Variants in TASP1 observed in about 807,000 individuals in gnomAD.
The protein encoded by TASP1 is taspase 1, also known as threonine aspartase 1.
In TASP1, 16 loss-of-function variants were observed where a neutral mutation model predicts 56.6. That is an observed-to-expected ratio of 0.28 (90% CI 0.19 to 0.43). TASP1 has a LOEUF of 0.43. Among genes scored for constraint, TASP1 ranks in the 20% least tolerant of loss-of-function variants. TASP1 has a pLI of 1.00. For missense variants in TASP1, 393 were observed against 511.6 expected (o/e 0.77, Z 2.24); for synonymous variants, 179 against 184.2 (o/e 0.97, Z 0.23).
the TASP1 span, among the ~76,000 whole-genome samples, chr20:13,305,067 T>A: frequency 6.6e-6 from 1 of 152,142 alleles, no homozygotes; most frequent in South Asian, 2.1e-4. Flanking sequence ...CATAGTATTA[T>A]TTGAATAGCA....
At chr20:13,490,009 T>C (rs2043466381) in intron 10 of TASP1, among the ~76,000 whole-genome samples, 1 of 152,188 alleles carries the variant, frequency 6.6e-6, no homozygotes, top group South Asian at 2.1e-4. Context: ...CAGAAAACTT[T>C]ACACTGAAAG....
intron 12 of TASP1, among the ~76,000 whole-genome samples, chr20:13,424,615 C>A (rs1019100697): frequency 6.6e-6 from 1 of 151,998 alleles, no homozygotes; most frequent in Non-Finnish European, 1.5e-5. Flanking sequence ...ATAACAGTCT[C>A]GGTGTGGTCA....
chr20:13,129,252 C>T, the TASP1 span, among the ~76,000 whole-genome samples: 1 of 152,044 alleles, frequency 6.6e-6, no homozygotes, highest in Admixed American at 6.6e-5. Flanking sequence ...TTTGCCCACC[C>T]CAGGCTCCTA....
chr20:13,489,646 C>T (rs1223471064), intron 10 of TASP1, among the ~76,000 whole-genome samples: 3 of 152,164 alleles, frequency 2.0e-5, no homozygotes, highest in South Asian at 4.1e-4. Flanking sequence ...CCAGTCTCTT[C>T]CCAGGCATCT....
chr20:13,546,132 C>T (rs1345252721), intron 8 of TASP1, among the ~76,000 whole-genome samples: 5 of 151,908 alleles, frequency 3.3e-5, no homozygotes, highest in Non-Finnish European at 5.9e-5. Flanking sequence ...ATTTAAAAGC[C>T]TGTACATAAA....
intron 9 of TASP1, among the ~76,000 whole-genome samples, chr20:13,533,434 A>T (rs1400749845): frequency 6.6e-6 from 1 of 152,210 alleles, no homozygotes; most frequent in African/African-American, 2.4e-5. Context: ...GGCAAAGTGA[A>T]GAAGATGTGC....
At chr20:13,401,816 A>G (rs1432175541) in intron 13 of TASP1, among the ~76,000 whole-genome samples, 1 of 152,218 alleles carries the variant, frequency 6.6e-6, no homozygotes, top group African/African-American at 2.4e-5. Flanking sequence ...TGTCATGGTT[A>G]TATGTCCTGT....
the TASP1 span, among the ~76,000 whole-genome samples, chr20:13,264,540 A>G: frequency 2.0e-5 from 3 of 152,202 alleles, no homozygotes; most frequent in Non-Finnish European, 4.4e-5. Flanking sequence ...TTGGTTGTCC[A>G]AAAAACCTCA....
chr20:13,619,447 G>A (rs1177246338), intron 4 of TASP1, among the ~76,000 whole-genome samples: 1 of 152,098 alleles, frequency 6.6e-6, no homozygotes, highest in Non-Finnish European at 1.5e-5. Context: ...TGCAAAATGA[G>A]CTTCAGGCAG....
At chr20:13,387,184 A>ATTTTTTTTTTTTTTTT (rs779048448), downstream of TASP1, among the ~76,000 whole-genome samples, 2 of 70,704 alleles carry the variant, frequency 2.8e-5, no homozygotes, top group African/African-American at 1.3e-4. Flanking sequence ...ACATGATTTC[A>ATTTTTTTTTTTTTTTT]TTTTTTTTTT....
the TASP1 span, among the ~76,000 whole-genome samples, chr20:13,134,478 G>A: frequency 5.3e-5 from 8 of 152,210 alleles, no homozygotes; most frequent in Non-Finnish European, 8.8e-5. Context: ...TGATGGGAGT[G>A]CCAGACAGAA....
chr20:13,225,023 T>TTG, the TASP1 span, among the ~76,000 whole-genome samples: 1 of 150,582 alleles, frequency 6.6e-6, no homozygotes, highest in Non-Finnish European at 1.5e-5. Flanking sequence ...TTTTTTTTTT[T>TTG]TTTGTATTTT....
At chr20:13,280,863 C>A in the TASP1 span, among the ~76,000 whole-genome samples, 9 of 152,132 alleles carry the variant, frequency 5.9e-5, no homozygotes, top group Non-Finnish European at 1.2e-4. Context: ...GGGAATCAGG[C>A]AGTTTGTTAT....
chr20:13,169,167 T>C, the TASP1 span: 2 of 152,180 alleles, frequency 1.3e-5, no homozygotes, highest in Non-Finnish European at 2.9e-5. Context: ...GAGATTTGTA[T>C]TTAGGAATTC....
At chr20:13,206,366 G>C in the TASP1 span, among the ~76,000 whole-genome samples, 1 of 152,122 alleles carries the variant, frequency 6.6e-6, no homozygotes, top group East Asian at 1.9e-4. Context: ...GGTAAGTTCA[G>C]GTAATAAGTG....
chr20:13,264,067 C>T, the TASP1 span, among the ~76,000 whole-genome samples: 1 of 152,094 alleles, frequency 6.6e-6, no homozygotes, highest in East Asian at 1.9e-4. Context: ...CCTCGTTACC[C>T]AATGATAACT....
chr20:13,557,572 GTTTTTT>G (rs972801507), intron 8 of TASP1, among the ~76,000 whole-genome samples: 3 of 99,762 alleles, frequency 3.0e-5, no homozygotes, highest in African/African-American at 1.2e-4. Context: ...GATGTTTTTG[GTTTTTT>G]TTTTTTTTTT....
the TASP1 span, among the ~76,000 whole-genome samples, chr20:13,202,596 A>G: frequency 2.6e-5 from 4 of 151,780 alleles, no homozygotes; most frequent in South Asian, 8.3e-4. Flanking sequence ...CTCTAAACAA[A>G]TTAAATTTAA....
the TASP1 span, among the ~76,000 whole-genome samples, chr20:13,347,449 G>A: frequency 3.9e-5 from 6 of 152,262 alleles, no homozygotes; most frequent in South Asian, 2.1e-4. Flanking sequence ...GCCCAACCAC[G>A]TCTCTTCTTT....
Sources: allele counts gnomAD v4.1 joint callset (sites outside exome capture counted in the v4.1 genomes callset), GRCh38; gene constraint gnomAD v4.1.1; transcripts MANE v1.5; gene names NCBI Gene and HGNC (gene_info 2026-07-23, HGNC 2026-07-21).